The following MLLT10 variants were observed in gnomAD, a reference collection of about 807,000 sequenced individuals.
The protein encoded by MLLT10 is MLLT10 histone lysine methyltransferase DOT1L cofactor, also known as protein AF-10.
In MLLT10, 30 loss-of-function variants were observed where a neutral mutation model predicts 129.1. The observed-to-expected ratio is 0.23, with a 90% confidence interval of 0.17 to 0.32. MLLT10 has a LOEUF of 0.32. Ranked by LOEUF, MLLT10 falls within the 10% of genes least tolerant of loss-of-function variation. The pLI is 1.00. For synonymous variants in MLLT10, 490 were observed against 446.4 expected, an observed-to-expected ratio of 1.10 and a Z score of -1.23; for missense variants, 1,119 against 1,268.3, an observed-to-expected ratio of 0.88 and a Z score of 1.79.
intron 3 of MLLT10, among the ~76,000 whole-genome samples, chr10:21,577,839 A>G (rs936980136): frequency 4.6e-5 from 7 of 152,162 alleles, no homozygotes; most frequent in Middle Eastern, 3.4e-3. Flanking sequence ...GGTTTTAGCT[A>G]TCCTACAGGG....
At chr10:21,729,304 T>C (rs1439737912) in intron 16 of MLLT10, among the ~76,000 whole-genome samples, 2 of 152,250 alleles carry the variant, frequency 1.3e-5, no homozygotes, top group East Asian at 1.9e-4. Flanking sequence ...CCGAGAATTA[T>C]TAAGAAAGTG....
At chr10:21,695,108 G>A (rs985652418) in intron 13 of MLLT10, among the ~76,000 whole-genome samples, 7 of 126,562 alleles carry the variant, frequency 5.5e-5, no homozygotes, top group Admixed American at 2.1e-4. Context: ...TTCCTCTGTC[G>A]TCCAAGGCTG....
At chr10:21,602,355 TA>T (rs2043622130) in intron 5 of MLLT10, among the ~76,000 whole-genome samples, 1 of 150,596 alleles carries the variant, frequency 6.6e-6, no homozygotes, top group South Asian at 2.1e-4. Flanking sequence ...CAAATTTATT[TA>T]TTTTTTTTTG....
intron 3 of MLLT10, among the ~76,000 whole-genome samples, chr10:21,570,492 T>C (rs1484429266): frequency 5.3e-5 from 8 of 152,152 alleles, no homozygotes; most frequent in African/African-American, 1.2e-4. Context: ...ACTTTTTTTT[T>C]CTATATTATC....
intron 11 of MLLT10, among the ~76,000 whole-genome samples, chr10:21,676,014 T>G (rs936985650): frequency 2.6e-5 from 4 of 152,214 alleles, no homozygotes; most frequent in Admixed American, 2.0e-4. Flanking sequence ...TTCGTTTCTC[T>G]TACCTTACCA....
chr10:21,656,363 T>A (rs1304614431), intron 9 of MLLT10, among the ~76,000 whole-genome samples: 1 of 152,164 alleles, frequency 6.6e-6, no homozygotes, highest in Non-Finnish European at 1.5e-5. Flanking sequence ...ATGTAATATT[T>A]TGATACATGT....
chr10:21,626,054 A>C (rs1197463224), intron 8 of MLLT10: 1 of 1,435,132 alleles, frequency 7.0e-7, no homozygotes. Flanking sequence ...TCTCTCAAGC[A>C]AGGCCTTGAT....
chr10:21,606,658 G>T (rs1310751604), intron 5 of MLLT10, among the ~76,000 whole-genome samples: 1 of 152,212 alleles, frequency 6.6e-6, no homozygotes, highest in Non-Finnish European at 1.5e-5. Flanking sequence ...TAGAAGTGGA[G>T]CCTGAAGATG....
chr10:21,563,600 G>T (rs1012243668), intron 3 of MLLT10, among the ~76,000 whole-genome samples: 4 of 152,024 alleles, frequency 2.6e-5, no homozygotes, highest in African/African-American at 4.8e-5. Context: ...GATTCCTCCA[G>T]GTTGTTGCTT....
At position 21,726,366 on chromosome 10, in the gene MLLT10, A is replaced by T; in HGVS notation, c.1990+11A>T. ...AAAACAATCAAACAGGTAAGTTTTC[A>T]AGAATTACTAACTCTAAAACCCTAC... On this transcript the variant is annotated intron_variant, in intron 15 of 22. Transcript: ENST00000307729. The T allele has an allele frequency of 2.6e-6, 4 of 1,565,016 alleles. No homozygotes were observed. Among genetic ancestry groups the T allele is most frequent in the Non-Finnish European group, 3.5e-6 (4 of 1,137,740 alleles).
chr10:21,681,200 T>C lies in MLLT10; in HGVS notation c.1622-132T>C, dbSNP rs1266076661. ...AATTATTAGCTTATAATTTTTGTTT[T>C]TGAAGTTCTAGGTGGCCTACTTAAC... On this transcript the variant is annotated intron_variant, in intron 11 of 22. Transcript: ENST00000307729. 2.1e-5 allele frequency: 23 copies of C among 1,102,346 alleles called. No individual in the cohort carries two copies. The East Asian group carries it at 3.9e-4, about 19-fold the overall frequency. 68.3% of individuals were successfully genotyped at this position (1,102,346 alleles called of 1,614,324 possible). A position where few individuals can be genotyped will look rare whatever the true frequency, so the allele number is the denominator to read the frequency against.
intron 8 of MLLT10, 23 bp downstream of exon 8, chr10:21,617,230 A>G: frequency 7.4e-7 from 1 of 1,345,508 alleles, no homozygotes. Context: ...GTTGTTGCTA[A>G]ATTTGTAGCA....
At chr10:21,599,742 T>A (rs1399661575) in intron 5 of MLLT10, among the ~76,000 whole-genome samples, 1 of 151,954 alleles carries the variant, frequency 6.6e-6, no homozygotes, top group Admixed American at 6.6e-5. Context: ...TTTTTTGTAT[T>A]TTTTTTGTAG....
intron 8 of MLLT10, among the ~76,000 whole-genome samples, chr10:21,643,219 G>A (rs1469357604): frequency 6.6e-6 from 1 of 152,132 alleles, no homozygotes; most frequent in Admixed American, 6.5e-5. Flanking sequence ...TTTTAGTAGA[G>A]ATGGGATTTT....
intron 3 of MLLT10, among the ~76,000 whole-genome samples, chr10:21,554,914 C>T (rs562654813): frequency 4.6e-5 from 7 of 151,566 alleles, no homozygotes; most frequent in East Asian, 2.0e-4. Flanking sequence ...CCCTACCACC[C>T]GGGTTCAAGC....
At position 21,673,759 on chromosome 10, in the gene MLLT10, A is replaced by T; in HGVS notation, c.1461A>T (p.Gln487His). Residue 487 changes from glutamine (Q) to histidine (H), a missense_variant, in exon 11 of 23, where the codon CAA (glutamine) becomes CAT (histidine). Coordinates refer to ENST00000307729, the MANE Select transcript of MLLT10 (RefSeq NM_001195626.3). ...GPGRPKGNKN[Q>H]ENVSHLSVSS... is the part of the protein sequence containing the mutation. ...GCAGACCCAAAGGAAACAAAAATCAAGAGAATGTTTCTCATCTCTCAGTTT... is the reference window on the plus strand; with the variant it reads ...GCAGACCCAAAGGAAACAAAAATCATGAGAATGTTTCTCATCTCTCAGTTT... 6.2e-7 allele frequency: 1 copy of T among 1,614,208 alleles called. No individual in the cohort carries two copies. The highest frequency in any genetic ancestry group is 1.1e-5 in the South Asian group (1 of 91,086).
intron 3 of MLLT10, among the ~76,000 whole-genome samples, chr10:21,554,061 T>C (rs965887027): frequency 3.3e-5 from 5 of 152,240 alleles, no homozygotes; most frequent in Non-Finnish European, 5.9e-5. Context: ...TTATACTCAT[T>C]GTACTAGGTA....
chr10:21,579,371 T>G (rs1262346351), intron 3 of MLLT10, among the ~76,000 whole-genome samples: 7 of 152,120 alleles, frequency 4.6e-5, no homozygotes, highest in Admixed American at 4.6e-4. Context: ...TGTGTCTTTT[T>G]TCAAATTGAA....
At position 21,673,352 on chromosome 10, in the gene MLLT10, A is replaced by G. The variant is rs944636937; in HGVS notation, c.1054A>G (p.Ser352Gly). 1.4e-6 allele frequency: 1 copy of G among 697,066 alleles called. No homozygotes were observed. Among genetic ancestry groups the G allele is most frequent in the African/African-American group, 2.7e-5 (1 of 36,952 alleles). The allele number at this position is 697,066 out of a possible 1,614,324, so 43.2% of individuals were successfully genotyped here. A position where few individuals can be genotyped will look rare whatever the true frequency, so the allele number is the denominator to read the frequency against. ...TTTTTTTTTTTTTTAAACTACAGGC[A>G]GTTTTTCAGGAACTCCAGGCAGTGT... The part of the protein sequence containing the change: ...VSAASPFPQG[S>G]FSGTPGSVKS... The change falls in exon 11 of 23, where the codon AGT becomes GGT. Residue 352 changes from serine (S) to glycine (G), a missense_variant and splice_region_variant. By Grantham distance (56) the Ser-to-Gly change is moderately conservative. Coordinates refer to ENST00000307729, the MANE Select transcript of MLLT10 (RefSeq NM_001195626.3).
Sources: allele counts gnomAD v4.1 joint callset (sites outside exome capture counted in the v4.1 genomes callset), GRCh38; gene constraint gnomAD v4.1.1; transcripts MANE v1.5; gene names NCBI Gene and HGNC (gene_info 2026-07-23, HGNC 2026-07-21).